Variants in NR5A2 observed in about 807,000 individuals in gnomAD.
NR5A2 encodes CYP7A promoter-binding factor.
A neutral mutation model predicts 62.7 loss-of-function variants in NR5A2; 26 were observed. That is an observed-to-expected ratio of 0.41 (90% CI 0.30 to 0.58). The LOEUF (loss-of-function observed/expected upper bound fraction) is 0.58. Among genes scored for constraint, NR5A2 ranks in the 20% least tolerant of loss-of-function variants. The probability of loss-of-function intolerance (pLI) is 0.22; values close to 1 mark genes in which losing one functional copy is unlikely to be tolerated. For missense variants in NR5A2, 541 were observed against 669.1 expected, an observed-to-expected ratio of 0.81 and a Z score of 2.11; for synonymous variants, 246 against 241.7, an observed-to-expected ratio of 1.02 and a Z score of -0.16.
chr1:200,103,238 C>G (rs1293335765), intron 5 of NR5A2, among the ~76,000 whole-genome samples: 1 of 150,332 alleles, frequency 6.7e-6, no homozygotes, highest in Non-Finnish European at 1.5e-5. Flanking sequence ...ATTCTCCTGC[C>G]TCAGCCTCCC....
chr1:200,112,853 C>T (rs1300641935), intron 6 of NR5A2, among the ~76,000 whole-genome samples: 3 of 152,180 alleles, frequency 2.0e-5, no homozygotes, highest in African/African-American at 7.2e-5. Context: ...ATTGGAAGTA[C>T]AAGACTGGGC....
chr1:200,056,298 C>A (rs973193122), intron 5 of NR5A2, among the ~76,000 whole-genome samples: 26 of 152,310 alleles, frequency 1.7e-4, no homozygotes, highest in African/African-American at 6.3e-4. Context: ...AACATGCCCA[C>A]TTACTGTGGG....
intron 7 of NR5A2, among the ~76,000 whole-genome samples, chr1:200,137,147 A>AT (rs1667260647): frequency 2.3e-5 from 2 of 85,992 alleles, no homozygotes; most frequent in African/African-American, 7.1e-5. Context: ...ATTTTATTTT[A>AT]TTTATTTATT....
chr1:200,081,404 A>C (rs1270292793), intron 5 of NR5A2, among the ~76,000 whole-genome samples: 1 of 152,234 alleles, frequency 6.6e-6, no homozygotes, highest in Non-Finnish European at 1.5e-5. Context: ...GGGTTATATC[A>C]ATGCCTAAAG....
rs138519275 is a variant in NR5A2 at position 200,133,505 on chromosome 1, C to CTATATATATATA, written c.1378+12561_1378+12572dup. Among the ~76,000 whole-genome samples the CTATATATATATA allele has an allele frequency of 1.2e-3, 162 of 134,360 alleles. 1 individual carries two copies. The highest frequency in any genetic ancestry group is 3.6e-3 in the African/African-American group (129 of 35,476). 88.1% of individuals were successfully genotyped at this position (134,360 alleles called of 152,430 possible). A position where few individuals can be genotyped will look rare whatever the true frequency, so the allele number is the denominator to read the frequency against. On this transcript the variant is annotated intron_variant, in intron 7 of 7. Transcript: ENST00000367362. ...TAATGATGTTTTGGTCACTGATGGA[C>CTATATATATATA]TATATATATATATATATATATACAC...
intron 7 of NR5A2, among the ~76,000 whole-genome samples, chr1:200,151,173 C>A (rs930173168): frequency 6.6e-6 from 1 of 152,096 alleles, no homozygotes; most frequent in African/African-American, 2.4e-5. Flanking sequence ...GAAAAAAAGC[C>A]TTCTTTAGAA....
rs578124962 is a variant in NR5A2 at position 200,095,288 on chromosome 1, T to C, written c.1111-15914T>C. Among the ~76,000 whole-genome samples the C allele has an allele frequency of 3.9e-5, 6 of 152,196 alleles. No homozygotes were observed. The East Asian group carries it at 1.2e-3, about 30-fold the overall frequency. On this transcript the variant is annotated intron_variant, in intron 5 of 7. Transcript: ENST00000367362. Reference sequence around the variant, plus strand: ...TGTGCCATCATGCCTGGCTGAGCTCTTTTTGAGTAATTGAAATAGCAATGA... The same window carrying C: ...TGTGCCATCATGCCTGGCTGAGCTCCTTTTGAGTAATTGAAATAGCAATGA...
intron 5 of NR5A2, among the ~76,000 whole-genome samples, chr1:200,060,197 T>C (rs1663134408): frequency 1.3e-5 from 2 of 152,166 alleles, no homozygotes; most frequent in South Asian, 2.1e-4. Flanking sequence ...CATTAACTCT[T>C]TTTCCTTTCC....
intron 5 of NR5A2, among the ~76,000 whole-genome samples, chr1:200,075,109 T>G (rs1407936770): frequency 6.6e-6 from 1 of 152,230 alleles, no homozygotes; most frequent in African/African-American, 2.4e-5. Flanking sequence ...GTAATTTCAT[T>G]TGGTGATCTC....
chr1:200,141,677 T>C (rs963392030), intron 7 of NR5A2, among the ~76,000 whole-genome samples: 3 of 152,228 alleles, frequency 2.0e-5, no homozygotes, highest in Non-Finnish European at 4.4e-5. Flanking sequence ...ATAATCTATT[T>C]TTTAAGAGGT....
intron 7 of NR5A2, among the ~76,000 whole-genome samples, chr1:200,146,815 G>T (rs139771758): frequency 6.6e-6 from 1 of 152,094 alleles, no homozygotes; most frequent in South Asian, 2.1e-4. Flanking sequence ...AGTTGCAAAG[G>T]CTAAATAAGT....
At position 200,147,801 on chromosome 1, in the gene NR5A2, C is replaced by G; in HGVS notation, c.1379-26162C>G. 2.1e-6 allele frequency: 1 copy of G among 485,932 alleles called. No homozygotes were observed. 30.1% of individuals were successfully genotyped at this position (485,932 alleles called of 1,614,324 possible). On this transcript the variant is annotated intron_variant, in intron 7 of 7. Coordinates refer to ENST00000367362, the MANE Select transcript of NR5A2 (RefSeq NM_205860.3). This position sits in a 1 kb window ranked among gnomAD's most constrained non-coding sequence, Gnocchi z 4.9. ...GGATGCCGGCACGGTGGGCAGCCGC[C>G]GTGGCGTCCAGCACCAGGTCCTGGC...
Position 200,174,254 on chromosome 1 carries a change from G to A in NR5A2, c.*44G>A. 1.4e-6 allele frequency: 2 copies of A among 1,472,420 alleles called. No homozygotes were observed. The highest frequency in any genetic ancestry group is 1.6e-5 in the South Asian group (1 of 63,664). 91.2% of individuals were successfully genotyped at this position (1,472,420 alleles called of 1,614,324 possible). ...TCTGCTTTCAAAACAAAAAGAGATT[G>A]GGGGAGTGGGGAGGGGGAAGAAGAA... On this transcript the variant is annotated 3_prime_UTR_variant, in exon 8 of 8. Coordinates refer to ENST00000367362, the MANE Select transcript of NR5A2 (RefSeq NM_205860.3).
At chr1:200,053,910 G>C (rs1662785699) in intron 5 of NR5A2, among the ~76,000 whole-genome samples, 1 of 152,146 alleles carries the variant, frequency 6.6e-6, no homozygotes, top group Non-Finnish European at 1.5e-5. Context: ...TACTCTCCAG[G>C]TGAATCTGGT....
intron 1 of NR5A2, chr1:200,029,456 C>A (rs955939501): frequency 6.5e-6 from 1 of 153,870 alleles, no homozygotes; most frequent in East Asian, 1.9e-4. Context: ...TTCCAGCTAC[C>A]GCACGCGCAA....
intron 5 of NR5A2, among the ~76,000 whole-genome samples, chr1:200,081,509 A>G (rs1664290933): frequency 6.6e-6 from 1 of 152,196 alleles, no homozygotes; most frequent in South Asian, 2.1e-4. Flanking sequence ...CATCTGTCAA[A>G]GTCTCCCAGC....
chr1:200,105,220 A>C (rs977668349), intron 5 of NR5A2, among the ~76,000 whole-genome samples: 1 of 151,972 alleles, frequency 6.6e-6, no homozygotes. Flanking sequence ...TCAGCCTCCC[A>C]AATTGTTGGG....
rs928355587 is a variant in NR5A2 at position 200,064,121 on chromosome 1, C to T, written c.1110+15303C>T. ...CCAAGATTGCACCATCGCGCTCCAG[C>T]CTGGGCGACAGAGCGAGACTCCATC... On this transcript the variant is annotated intron_variant, in intron 5 of 7. Transcript: ENST00000367362. Among the ~76,000 whole-genome samples the T allele has an allele frequency of 6.6e-5, 10 of 151,750 alleles. 1 individual carries two copies. Among genetic ancestry groups the T allele is most frequent in the Admixed American group, 5.9e-4 (9 of 15,218 alleles).
At chr1:200,045,158 T>A (rs535884848) in intron 3 of NR5A2, among the ~76,000 whole-genome samples, 1 of 152,252 alleles carries the variant, frequency 6.6e-6, no homozygotes, top group South Asian at 2.1e-4. Flanking sequence ...TTTATCTATA[T>A]AGAGTGTATT....
Sources: allele counts gnomAD v4.1 joint callset (sites outside exome capture counted in the v4.1 genomes callset), GRCh38; gene constraint gnomAD v4.1.1; non-coding constraint Gnocchi (gnomAD v3.1); transcripts MANE v1.5; gene names NCBI Gene and HGNC (gene_info 2026-07-23, HGNC 2026-07-21).